CCDC141: variants seen among roughly 807,000 people sequenced by gnomAD.
CCDC141 encodes coiled-coil domain-containing protein 141.
CCDC141 carries 168 observed loss-of-function variants against 181.0 expected under a neutral mutation model. The ratio of observed to expected loss-of-function variants is 0.93; its 90% confidence interval spans 0.82 to 1.05. The LOEUF is 1.05. Among genes scored for constraint, CCDC141 ranks in the 50% least tolerant of loss-of-function variants. The probability of loss-of-function intolerance (pLI) is 0.00; values close to 1 mark genes in which losing one functional copy is unlikely to be tolerated. For missense variants in CCDC141, 1,902 were observed against 1,788.5 expected (o/e 1.06, Z -1.14); for synonymous variants, 666 against 642.3 (o/e 1.04, Z -0.56).
intron 2 of CCDC141, among the ~76,000 whole-genome samples, chr2:179,007,951 A>G (rs1430617932): frequency 6.6e-6 from 1 of 152,230 alleles, no homozygotes. Context: ...AAGTAGTACC[A>G]GAGAATACAT....
intron 2 of CCDC141, among the ~76,000 whole-genome samples, chr2:178,987,199 C>T (rs374184195): frequency 6.9e-6 from 1 of 144,394 alleles, no homozygotes; most frequent in South Asian, 2.4e-4. Flanking sequence ...ACAAACCTGA[C>T]AAAAACAAGC....
At chr2:178,974,592 C>T (rs916541790) in intron 4 of CCDC141, among the ~76,000 whole-genome samples, 7 of 152,166 alleles carry the variant, frequency 4.6e-5, no homozygotes, top group Middle Eastern at 3.4e-3. Context: ...ATTCACTGTT[C>T]CATTTTTTTA....
At chr2:178,922,813 A>G (rs1475862657) in intron 6 of CCDC141, among the ~76,000 whole-genome samples, 2 of 152,258 alleles carry the variant, frequency 1.3e-5, no homozygotes, top group Non-Finnish European at 2.9e-5. Flanking sequence ...GCACTGTGCT[A>G]TAAAAAGTTT....
intron 16 of CCDC141, 36 bp from the exon 17 acceptor site, chr2:178,865,952 A>G: frequency 7.1e-7 from 1 of 1,401,912 alleles, no homozygotes; most frequent in Non-Finnish European, 9.4e-7. Flanking sequence ...GAGAGAAAGG[A>G]CGAAACAGCA....
chr2:178,829,390 C>T (rs1684176560), downstream of CCDC141, among the ~76,000 whole-genome samples: 1 of 152,222 alleles, frequency 6.6e-6, no homozygotes, highest in Admixed American at 6.5e-5. Flanking sequence ...AAACTCTCAA[C>T]ACAAAGGCTT....
At chr2:179,030,621 G>A (rs1240619950) in intron 2 of CCDC141, among the ~76,000 whole-genome samples, 1 of 151,832 alleles carries the variant, frequency 6.6e-6, no homozygotes, top group Non-Finnish European at 1.5e-5. Flanking sequence ...TCATTTCATT[G>A]TTGCAAAATG....
chr2:179,011,806 T>C (rs2042278040), intron 2 of CCDC141, among the ~76,000 whole-genome samples: 1 of 152,126 alleles, frequency 6.6e-6, no homozygotes, highest in African/African-American at 2.4e-5. Flanking sequence ...GAACTGGAAA[T>C]CGACTCCAAA....
chr2:178,838,934 C>T (rs1378135115), intron 22 of CCDC141, among the ~76,000 whole-genome samples: 3 of 152,220 alleles, frequency 2.0e-5, no homozygotes, highest in African/African-American at 7.2e-5. Context: ...TATCTATCCC[C>T]ACCTGCTGGT....
intron 2 of CCDC141, among the ~76,000 whole-genome samples, chr2:178,984,733 TG>T (rs1310778254): frequency 1.0e-3 from 151 of 150,996 alleles, no homozygotes; most frequent in African/African-American, 3.6e-3. Flanking sequence ...CATTACATAA[TG>T]GTAAAGGGAT....
chr2:178,964,792 C>T (rs956002431), intron 4 of CCDC141, among the ~76,000 whole-genome samples: 4 of 152,166 alleles, frequency 2.6e-5, no homozygotes, highest in Admixed American at 2.6e-4. Context: ...TATACTGTGA[C>T]CTTCAAGAAC....
intron 7 of CCDC141, among the ~76,000 whole-genome samples, chr2:178,910,035 C>T (rs561532279): frequency 3.3e-5 from 5 of 152,164 alleles, no homozygotes; most frequent in Non-Finnish European, 7.4e-5. Flanking sequence ...CAGCTCTTTT[C>T]GGTCTTGTTT....
At chr2:179,015,093 T>TATATACATAC (rs1553502745) in intron 2 of CCDC141, among the ~76,000 whole-genome samples, 2 of 41,994 alleles carry the variant, frequency 4.8e-5, no homozygotes, top group African/African-American at 1.5e-4. Flanking sequence ...TATATATATA[T>TATATACATAC]ATATATATAT....
chr2:179,015,075 T>A (rs1475047807), intron 2 of CCDC141, among the ~76,000 whole-genome samples: 1 of 28,950 alleles, frequency 3.5e-5, no homozygotes, highest in Non-Finnish European at 8.4e-5. Context: ...GAGATATATA[T>A]ATATATATAT....
rs1389564941 is a variant in CCDC141, at chr2:178,834,405, T to C, written c.4361A>G (p.His1454Arg). 1 of 1,536,304 alleles carries C rather than the reference T, an allele frequency of 6.5e-7. No individual in the cohort carries two copies. Among genetic ancestry groups the C allele is most frequent in the Non-Finnish European group, 8.7e-7 (1 of 1,146,870 alleles). The change falls in exon 24 of 24, where the codon CAC becomes CGC. Residue 1454 changes from histidine to arginine, a missense_variant. Transcript: ENST00000443758. ...KKGQKLSADG[H>R]LQVLHKETRH... The stretch of plus-strand genomic sequence containing the variant: ...TGTCTCCTTGTGTAAAACCTGTAAG[T>C]GCCCATCTGCAGACAATTTCTGGCC...
intron 2 of CCDC141, among the ~76,000 whole-genome samples, chr2:178,980,472 G>A (rs1024489227): frequency 6.6e-6 from 1 of 151,958 alleles, no homozygotes; most frequent in Non-Finnish European, 1.5e-5. Flanking sequence ...AAAAATGCAA[G>A]CAAAAACTGT....
chr2:178,990,255 T>TA (rs71023464), intron 2 of CCDC141, among the ~76,000 whole-genome samples: 41 of 148,434 alleles, frequency 2.8e-4, no homozygotes, highest in Admixed American at 4.7e-4. Context: ...ACAGCTGCTT[T>TA]AAAAAAAAAA....
intron 6 of CCDC141, among the ~76,000 whole-genome samples, chr2:178,935,994 T>C (rs986426300): frequency 9.9e-5 from 15 of 152,174 alleles, no homozygotes; most frequent in African/African-American, 3.4e-4. Context: ...TGCTGGCTAT[T>C]AGGCCTTTGT....
chr2:178,941,800 T>A (rs1462116056), intron 6 of CCDC141, among the ~76,000 whole-genome samples: 25 of 142,458 alleles, frequency 1.8e-4, no homozygotes, highest in African/African-American at 4.7e-4. Flanking sequence ...AAAAAAAAAA[T>A]AAAAACAAAA....
chr2:178,998,155 C>T (rs1404935441), intron 2 of CCDC141, among the ~76,000 whole-genome samples: 3 of 152,270 alleles, frequency 2.0e-5, no homozygotes, highest in South Asian at 4.2e-4. Flanking sequence ...CAGTATTCTA[C>T]AGCACTTAGA....
Sources: gnomAD v4.1 joint callset for allele counts (sites outside exome capture counted in the v4.1 genomes callset) on GRCh38, gnomAD v4.1.1 for gene constraint, MANE v1.5 for transcripts, NCBI Gene and HGNC (gene_info 2026-07-23, HGNC 2026-07-21) for gene names.